EYS: variants seen among roughly 807,000 people sequenced by gnomAD.
EYS encodes the protein EGF-like photoreceptor maintenance factor.
Under a neutral mutation model 282.1 loss-of-function variants are expected in EYS, and 250 were observed. The ratio of observed to expected loss-of-function variants is 0.89; its 90% confidence interval spans 0.80 to 0.98. EYS has a LOEUF of 0.98. EYS is among the 50% of genes least tolerant of loss of function. EYS has a pLI of 0.00. For synonymous variants in EYS, 1,355 were observed against 1,282.9 expected (o/e 1.06, Z -1.20); for missense variants, 4,016 against 3,709.0 (o/e 1.08, Z -2.15).
At chr6:65,679,234 A>G (rs1279145086) in intron 1 of EYS, among the ~76,000 whole-genome samples, 1 of 151,184 alleles carries the variant, frequency 6.6e-6, no homozygotes, top group African/African-American at 2.4e-5. Context: ...ATTCACAAAA[A>G]CCAAGACATG....
chr6:64,386,527 G>T (rs1389267762), intron 29 of EYS, among the ~76,000 whole-genome samples: 1 of 152,064 alleles, frequency 6.6e-6, no homozygotes, highest in Non-Finnish European at 1.5e-5. Flanking sequence ...TCTCCACCTG[G>T]CCCCACCCTT....
intron 29 of EYS, among the ~76,000 whole-genome samples, chr6:64,310,577 G>A (rs892247398): frequency 3.0e-4 from 45 of 152,218 alleles, no homozygotes; most frequent in African/African-American, 1.1e-3. Context: ...TAGGTCTATT[G>A]CCTATTGGAG....
chr6:64,727,110 T>C (rs868766677), intron 22 of EYS, among the ~76,000 whole-genome samples: 1 of 152,226 alleles, frequency 6.6e-6, no homozygotes, highest in Admixed American at 6.5e-5. Context: ...TTTGTACATA[T>C]AATTTTTAAT....
chr6:64,233,570 C>A (rs1183990157), intron 30 of EYS, among the ~76,000 whole-genome samples: 1 of 152,036 alleles, frequency 6.6e-6, no homozygotes, highest in Non-Finnish European at 1.5e-5. Context: ...AGTAAAATTA[C>A]CATTTTTAAA....
At chr6:65,353,754 C>T (rs746062003) in intron 8 of EYS, 137 bp from the exon 9 acceptor site, 3 of 659,836 alleles carry the variant, frequency 4.5e-6, no homozygotes, top group African/African-American at 3.7e-5. Context: ...TTATACTTCT[C>T]TTTATTTCTT....
chr6:65,195,467 C>G (rs1035161147), intron 12 of EYS, among the ~76,000 whole-genome samples: 3 of 152,100 alleles, frequency 2.0e-5, no homozygotes, highest in African/African-American at 7.2e-5. Context: ...AGTTAACATA[C>G]AATTTCATTG....
chr6:64,340,814 C>A (rs762577176), intron 29 of EYS, among the ~76,000 whole-genome samples: 1 of 151,766 alleles, frequency 6.6e-6, no homozygotes, highest in Non-Finnish European at 1.5e-5. Flanking sequence ...ACAAACTATA[C>A]ATCTGACAAT....
At chr6:64,048,691 C>A (rs1770707472) in intron 33 of EYS, among the ~76,000 whole-genome samples, 1 of 143,082 alleles carries the variant, frequency 7.0e-6, no homozygotes, top group Non-Finnish European at 1.6e-5. Context: ...TTCATCTAGT[C>A]ATTTTTTTTT....
chr6:63,991,983 A>G lies in EYS; in HGVS notation c.6834+7092T>C, dbSNP rs190789861. ...TTAAAGGAACCTGCAAACCAAGAAT[A>G]CTGTATTTGCCAAAACTGTCCTCCA... On this transcript the variant is annotated intron_variant, in intron 34 of 42. Transcript: ENST00000503581. Among the ~76,000 whole-genome samples, 8 of 151,946 alleles carry G rather than the reference A, an allele frequency of 5.3e-5. No individual in the cohort carries two copies. The East Asian group carries it at 1.6e-3, about 29-fold the overall frequency.
chr6:64,737,135 A>G (rs184605455), intron 22 of EYS, among the ~76,000 whole-genome samples: 28 of 152,298 alleles, frequency 1.8e-4, no homozygotes, highest in Admixed American at 1.8e-3. Context: ...ATGAAGACCA[A>G]TATCATTTTT....
chr6:65,563,519 C>G (rs1238322231), intron 2 of EYS, among the ~76,000 whole-genome samples: 1 of 151,888 alleles, frequency 6.6e-6, no homozygotes, highest in Non-Finnish European at 1.5e-5. Flanking sequence ...CATAGTATCT[C>G]TTCGGAAATA....
At chr6:65,611,233 T>A (rs12198998) in intron 2 of EYS, among the ~76,000 whole-genome samples, 53,803 of 151,336 alleles carry the variant, frequency 0.36, 11,979 homozygotes, top group Non-Finnish European at 0.49. Context: ...TATGCATGTC[T>A]TCTTCACTGA....
At chr6:65,446,378 G>C (rs1768657298) in intron 5 of EYS, among the ~76,000 whole-genome samples, 1 of 151,772 alleles carries the variant, frequency 6.6e-6, no homozygotes, top group Non-Finnish European at 1.5e-5. Flanking sequence ...ACTTCAAAGA[G>C]AAAACTGTCA....
At chr6:64,921,653 T>A (rs1442391706) in intron 15 of EYS, among the ~76,000 whole-genome samples, 1 of 152,160 alleles carries the variant, frequency 6.6e-6, no homozygotes, top group Non-Finnish European at 1.5e-5. Flanking sequence ...AAAGAAAGGA[T>A]AAATTCAAAG....
intron 36 of EYS, among the ~76,000 whole-genome samples, chr6:63,827,828 G>A (rs1771514032): frequency 6.9e-6 from 1 of 144,508 alleles, no homozygotes; most frequent in Non-Finnish European, 1.5e-5. Flanking sequence ...TCCGGCCTGG[G>A]CGACAGAGCA....
chr6:64,987,893 T>C (rs961981394), intron 14 of EYS, among the ~76,000 whole-genome samples: 1 of 151,548 alleles, frequency 6.6e-6, no homozygotes, highest in Non-Finnish European at 1.5e-5. Context: ...GTAAATTCAT[T>C]TTCATATTTA....
rs537543975 is a variant in EYS, at chr6:63,947,830, C to A, written c.7055+36553G>T. Among the ~76,000 whole-genome samples, 14 of 152,214 alleles carry A rather than the reference C, an allele frequency of 9.2e-5. No individual in the cohort carries two copies. The South Asian group carries it at 2.9e-3, about 32-fold the overall frequency. ...CTGTTTCATGATTGATTAAATGGTT[C>A]TTTTCTATTAAATTATTGTTGTGAA... On this transcript the variant is annotated intron_variant, in intron 35 of 42. Coordinates refer to ENST00000503581, the MANE Select transcript of EYS (RefSeq NM_001142800.2).
At chr6:65,298,767 T>C (rs893149069) in intron 11 of EYS, among the ~76,000 whole-genome samples, 2 of 151,482 alleles carry the variant, frequency 1.3e-5, no homozygotes, top group African/African-American at 4.8e-5. Context: ...AATGATTATA[T>C]CTTAGTAATA....
chr6:64,102,753 T>A (rs1772874915), intron 31 of EYS, among the ~76,000 whole-genome samples: 1 of 152,342 alleles, frequency 6.6e-6, no homozygotes, highest in South Asian at 2.1e-4. Flanking sequence ...ATTATGATTA[T>A]TTTGATTGTA....
Sources: allele counts gnomAD v4.1 joint callset (sites outside exome capture counted in the v4.1 genomes callset), GRCh38; gene constraint gnomAD v4.1.1; transcripts MANE v1.5; gene names NCBI Gene and HGNC (gene_info 2026-07-23, HGNC 2026-07-21).